The following SCML4 variants were observed in gnomAD, a reference collection of about 807,000 sequenced individuals.
SCML4 encodes sex comb on midleg-like protein 4.
SCML4 carries 34 observed loss-of-function variants against 41.1 expected under a neutral mutation model. The observed-to-expected ratio is 0.83, with a 90% confidence interval of 0.63 to 1.10. The LOEUF (loss-of-function observed/expected upper bound fraction) is 1.10, where lower values mean the gene tolerates loss of function less well. SCML4 is among the 50% of genes least tolerant of loss of function. The pLI, the probability that SCML4 is intolerant of heterozygous loss-of-function variation, is 0.00. For synonymous variants in SCML4, 214 were observed against 220.9 expected (o/e 0.97, Z 0.28); for missense variants, 522 against 534.1 (o/e 0.98, Z 0.22).
chr6:107,731,314 T>A (rs1776520431), intron 5 of SCML4, among the ~76,000 whole-genome samples: 1 of 152,244 alleles, frequency 6.6e-6, no homozygotes, highest in Non-Finnish European at 1.5e-5. Context: ...AAAACTAAAC[T>A]GGCATTTTAC....
chr6:107,758,475 G>C (rs9373974), intron 2 of SCML4, among the ~76,000 whole-genome samples: 21,557 of 152,214 alleles, frequency 0.14, 1,823 homozygotes, highest in Middle Eastern at 0.2. Flanking sequence ...AAAGACATAG[G>C]TTCAAGTTCT....
At chr6:107,780,015 G>A (rs2114591785) in intron 1 of SCML4, among the ~76,000 whole-genome samples, 1 of 152,200 alleles carries the variant, frequency 6.6e-6, no homozygotes, top group East Asian at 1.9e-4. Context: ...GGAGGCCAGG[G>A]GCCGTGTTTC....
chr6:107,713,220 A>G (rs573031608), intron 6 of SCML4, among the ~76,000 whole-genome samples: 1 of 152,326 alleles, frequency 6.6e-6, no homozygotes, highest in South Asian at 2.1e-4. Context: ...CCTTTCACTC[A>G]TTCATAATTC....
At chr6:107,728,398 G>A (rs992425169) in intron 5 of SCML4, among the ~76,000 whole-genome samples, 1 of 152,106 alleles carries the variant, frequency 6.6e-6, no homozygotes, top group Non-Finnish European at 1.5e-5. Context: ...ATCACCTGAG[G>A]TTGGGAGTTC....
chr6:107,729,702 A>G (rs1776348963), intron 5 of SCML4, among the ~76,000 whole-genome samples: 1 of 152,252 alleles, frequency 6.6e-6, no homozygotes, highest in Admixed American at 6.5e-5. Flanking sequence ...ATTAAAAGAC[A>G]TGAGTTAATG....
chr6:107,790,284 C>A (rs990337500), intron 1 of SCML4, among the ~76,000 whole-genome samples: 6 of 152,126 alleles, frequency 3.9e-5, no homozygotes, highest in Admixed American at 3.3e-4. Context: ...ATCTATGTGA[C>A]CTCTTGGGGC....
At chr6:107,823,224 T>TG (rs1785075782) in intron 1 of SCML4, among the ~76,000 whole-genome samples, 1 of 152,164 alleles carries the variant, frequency 6.6e-6, no homozygotes, top group South Asian at 2.1e-4. Flanking sequence ...AGTACCGTCA[T>TG]GGAATCTAGA....
At chr6:107,840,411 T>C in the SCML4 span, among the ~76,000 whole-genome samples, 7 of 152,226 alleles carry the variant, frequency 4.6e-5, no homozygotes, top group African/African-American at 1.4e-4. Flanking sequence ...ATCAAACATA[T>C]TAAATCTCAC....
chr6:107,769,480 G>T (rs1780342418), intron 2 of SCML4, among the ~76,000 whole-genome samples: 1 of 152,240 alleles, frequency 6.6e-6, no homozygotes, highest in Non-Finnish European at 1.5e-5. Flanking sequence ...AGAGGTGATT[G>T]ACAGAGCAGC....
intron 6 of SCML4, among the ~76,000 whole-genome samples, chr6:107,716,836 A>G (rs2114383346): frequency 6.6e-6 from 1 of 152,298 alleles, no homozygotes; most frequent in East Asian, 1.9e-4. Context: ...CATTTTGGTC[A>G]ATGAAATGTA....
intron 5 of SCML4, among the ~76,000 whole-genome samples, chr6:107,728,291 G>A (rs775497942): frequency 1.3e-5 from 2 of 152,136 alleles, no homozygotes; most frequent in African/African-American, 2.4e-5. Context: ...GGGGAACAAG[G>A]GAACATGCAC....
chr6:107,752,314 T>C (rs891607410), intron 2 of SCML4, among the ~76,000 whole-genome samples: 6 of 152,012 alleles, frequency 3.9e-5, no homozygotes, highest in Non-Finnish European at 7.4e-5. Flanking sequence ...GACATCCAAG[T>C]GGAGATATTA....
chr6:107,740,526 G>A (rs1004773553), intron 5 of SCML4, among the ~76,000 whole-genome samples: 3 of 152,182 alleles, frequency 2.0e-5, no homozygotes, highest in Admixed American at 2.0e-4. Flanking sequence ...TACATCCAGA[G>A]TTTGTTTGGT....
intron 6 of SCML4, 121 bp downstream of exon 6, chr6:107,720,582 T>C (rs1775278891): frequency 7.0e-7 from 1 of 1,434,356 alleles, no homozygotes; most frequent in African/African-American, 1.4e-5. Flanking sequence ...TGTGGAAATT[T>C]CTGATCTCCC....
chr6:107,766,751 C>T (rs1166726396), intron 2 of SCML4, among the ~76,000 whole-genome samples: 1 of 152,196 alleles, frequency 6.6e-6, no homozygotes, highest in East Asian at 1.9e-4. Context: ...CAACAGAAGA[C>T]TCAGGGGATA....
the SCML4 span, among the ~76,000 whole-genome samples, chr6:107,831,985 C>T: frequency 6.6e-6 from 1 of 151,796 alleles, no homozygotes; most frequent in Admixed American, 6.6e-5. Context: ...ATGGCGTGAA[C>T]CCGGGAGGTG....
At chr6:107,713,827 C>T (rs1162210622) in intron 6 of SCML4, among the ~76,000 whole-genome samples, 1 of 152,144 alleles carries the variant, frequency 6.6e-6, no homozygotes, top group Non-Finnish European at 1.5e-5. Context: ...TGACCTGCTC[C>T]CACTAGATGC....
chr6:107,839,368 GGA>G, the SCML4 span, among the ~76,000 whole-genome samples: 1 of 52,468 alleles, frequency 1.9e-5, no homozygotes, highest in Admixed American at 2.3e-4. Flanking sequence ...AAAGAAAGAA[GGA>G]AAGAAAGAAA....
rs900525228 is a variant in SCML4, at chr6:107,703,019, C to T, written c.*2181G>A. Among the ~76,000 whole-genome samples, 7 of 152,184 alleles carry T rather than the reference C, an allele frequency of 4.6e-5. No individual in the cohort carries two copies. The highest frequency in any genetic ancestry group is 9.7e-5 in the African/African-American group (4 of 41,426). ...AACGAGAGTGACCTCTGGTTGTCCT[C>T]GCTGCTATACTACCACCAGTGCCAT... On this transcript the variant is annotated 3_prime_UTR_variant, in exon 8 of 8. Transcript: ENST00000369020.
Sources: allele counts gnomAD v4.1 joint callset (sites outside exome capture counted in the v4.1 genomes callset), GRCh38; gene constraint gnomAD v4.1.1; transcripts MANE v1.5; gene names NCBI Gene and HGNC (gene_info 2026-07-23, HGNC 2026-07-21).